Variants in MCMDC2 observed in about 807,000 individuals in gnomAD.
The protein encoded by MCMDC2 is minichromosome maintenance domain containing 2.
MCMDC2 carries 54 observed loss-of-function variants against 75.8 expected under a neutral mutation model. That is an observed-to-expected ratio of 0.71 (90% CI 0.57 to 0.89). The LOEUF (loss-of-function observed/expected upper bound fraction) is 0.89, where lower values mean the gene tolerates loss of function less well. Ranked by LOEUF, MCMDC2 falls within the 40% of genes least tolerant of loss-of-function variation. The probability of loss-of-function intolerance (pLI) is 0.00; values close to 1 mark genes in which losing one functional copy is unlikely to be tolerated. For synonymous variants in MCMDC2, 249 were observed against 274.6 expected, an observed-to-expected ratio of 0.91 and a Z score of 0.92; for missense variants, 656 against 780.4, an observed-to-expected ratio of 0.84 and a Z score of 1.90.
intron 14 of MCMDC2, among the ~76,000 whole-genome samples, chr8:66,918,732 T>TC (rs1240379040): frequency 6.6e-6 from 1 of 152,140 alleles, no homozygotes; most frequent in African/African-American, 2.4e-5. Flanking sequence ...TCAACATACT[T>TC]CTTCCATTGG....
chr8:66,917,659 AT>A (rs1236051309), intron 14 of MCMDC2, among the ~76,000 whole-genome samples: 1 of 152,160 alleles, frequency 6.6e-6, no homozygotes, highest in Non-Finnish European at 1.5e-5. Context: ...GGAATCATAC[AT>A]TTGTCCTTTC....
rs763081524 is a variant in MCMDC2 at position 66,896,197 on chromosome 8, A to C, written c.1307A>C (p.Tyr436Ser). The change falls in exon 11 of 15, where the codon TAC becomes TCC. Residue 436 changes from tyrosine (Y) to serine (S), a missense_variant. Coordinates refer to ENST00000422365, the MANE Select transcript of MCMDC2 (RefSeq NM_173518.5). The part of the protein sequence containing the change: ...TVLESRSITV[Y>S]IPGKKFGEDI... ...CTGGAGAGCAGAAGCATCACAGTGT[A>C]CATCCCAGGAAAGAAGTTTGGGGAG... is the stretch of plus-strand genomic sequence containing the variant. 2.1e-5 allele frequency: 34 copies of C among 1,611,068 alleles called. No individual in the cohort carries two copies. The highest frequency in any genetic ancestry group is 2.7e-5 in the Non-Finnish European group (32 of 1,179,574).
chr8:66,898,891 G>A (rs923338396), intron 12 of MCMDC2, among the ~76,000 whole-genome samples: 1 of 152,310 alleles, frequency 6.6e-6, no homozygotes, highest in Middle Eastern at 3.4e-3. Context: ...CATGGAAAAC[G>A]ATAAGACCAG....
rs939465261 is a variant in MCMDC2 at position 66,897,089 on chromosome 8, C to T, written c.1626+130C>T. 5 of 861,928 alleles carry T rather than the reference C, an allele frequency of 5.8e-6. No homozygotes were observed. In the Admixed American group the frequency reaches 1.0e-4, roughly 18 times the overall value. 53.4% of individuals were successfully genotyped at this position (861,928 alleles called of 1,614,324 possible). ...TTCCATCTTGGTTCCAGCTTTTAAA[C>T]ATTTTAAGGACATTGCATAGAAGTT... On this transcript the variant is annotated intron_variant, in intron 12 of 14. Coordinates refer to ENST00000422365, the MANE Select transcript of MCMDC2 (RefSeq NM_173518.5).
chr8:66,879,376 T>G (rs1318102931), intron 7 of MCMDC2, among the ~76,000 whole-genome samples: 1 of 152,112 alleles, frequency 6.6e-6, no homozygotes, highest in Non-Finnish European at 1.5e-5. Flanking sequence ...GTAAATCACC[T>G]AAGGTCAGGA....
intron 14 of MCMDC2, among the ~76,000 whole-genome samples, chr8:66,906,804 TTC>T (rs1392568706): frequency 1.3e-5 from 2 of 151,876 alleles, no homozygotes; most frequent in African/African-American, 4.8e-5. Flanking sequence ...GAGATGGAGT[TTC>T]ACTCTTGTTG....
rs1810975599 is a variant in MCMDC2, at chr8:66,870,821, T to C, written c.-99T>C. 6.6e-6 allele frequency: 1 copy of C among 152,306 alleles called. No individual in the cohort carries two copies. The highest frequency in any genetic ancestry group is 1.9e-4 in the East Asian group (1 of 5,176). The allele number at this position is 152,306 out of a possible 1,614,324, so 9.4% of individuals were successfully genotyped here. ...GGCGGAGAGCAACCGCCAAGCTTGG[T>C]GGGAGTCAAGGTGAGTGCAAAGCAC... On this transcript the variant is annotated 5_prime_UTR_variant, in exon 1 of 15. Transcript: ENST00000422365.
At chr8:66,895,562 A>G (rs1171239290) in intron 10 of MCMDC2, among the ~76,000 whole-genome samples, 4 of 151,612 alleles carry the variant, frequency 2.6e-5, no homozygotes, top group Non-Finnish European at 5.9e-5. Flanking sequence ...ACATCCCACA[A>G]TGCTTGGCTA....
chr8:66,883,202 A>G (rs1398332035), intron 8 of MCMDC2, among the ~76,000 whole-genome samples: 2 of 152,230 alleles, frequency 1.3e-5, no homozygotes, highest in Non-Finnish European at 2.9e-5. Flanking sequence ...ACAGTACAGC[A>G]CTTTCAAAGT....
At chr8:66,902,339 C>T (rs2130849431) in intron 13 of MCMDC2, among the ~76,000 whole-genome samples, 1 of 151,512 alleles carries the variant, frequency 6.6e-6, no homozygotes, top group South Asian at 2.1e-4. Context: ...TGCAGAGCAC[C>T]TAGATATGCC....
intron 3 of MCMDC2, 31 bp downstream of exon 3, chr8:66,874,487 A>T: frequency 6.2e-7 from 1 of 1,612,122 alleles, no homozygotes; most frequent in Non-Finnish European, 8.5e-7. Context: ...ATTTTATGCC[A>T]CATGGAATTT....
intron 8 of MCMDC2, among the ~76,000 whole-genome samples, chr8:66,882,083 G>T (rs1330040246): frequency 2.0e-5 from 3 of 152,218 alleles, no homozygotes; most frequent in Admixed American, 6.5e-5. Flanking sequence ...ATCTTGGGCA[G>T]CCACAAGACA....
intron 14 of MCMDC2, among the ~76,000 whole-genome samples, chr8:66,914,981 G>A (rs1358562750): frequency 6.6e-6 from 1 of 151,986 alleles, no homozygotes. Context: ...ATCAAGATTG[G>A]GGAGAAAGAA....
chr8:66,923,578 A>G (rs1563398169), downstream of MCMDC2, among the ~76,000 whole-genome samples: 1 of 152,136 alleles, frequency 6.6e-6, no homozygotes, highest in Non-Finnish European at 1.5e-5. Flanking sequence ...ACAGACAACT[A>G]CATGCATAAT....
At chr8:66,879,028 G>A in intron 7 of MCMDC2, 109 bp downstream of exon 7, 1 of 697,364 alleles carries the variant, frequency 1.4e-6, no homozygotes, top group South Asian at 1.7e-5. Context: ...GGCTGAGGTG[G>A]GAGGATCACT....
intron 14 of MCMDC2, among the ~76,000 whole-genome samples, chr8:66,907,692 G>A (rs1429389324): frequency 2.6e-5 from 4 of 152,116 alleles, no homozygotes; most frequent in South Asian, 2.1e-4. Context: ...TCCCACCGAC[G>A]GTGTAAAAGC....
chr8:66,902,318 C>G (rs1012139323), intron 13 of MCMDC2, among the ~76,000 whole-genome samples: 5 of 151,312 alleles, frequency 3.3e-5, no homozygotes, highest in Non-Finnish European at 7.4e-5. Context: ...TTGAGCCCAT[C>G]AAGCGGAAGT....
At position 66,897,380 on chromosome 8, in the gene MCMDC2, C is replaced by A. The variant is rs1357444328; in HGVS notation, c.1626+421C>A. On this transcript the variant is annotated intron_variant, in intron 12 of 14. Coordinates refer to ENST00000422365, the MANE Select transcript of MCMDC2 (RefSeq NM_173518.5). ...CGAGATCGCACCACTGCACTCCTGC[C>A]TGGGTGATAGAGTAAGACCCTGTCT... 3.4e-5 allele frequency among the ~76,000 whole-genome samples: 5 copies of A among 147,132 alleles called. No homozygotes were observed. The Admixed American group carries it at 3.4e-4, about 10-fold the overall frequency.
At chr8:66,902,132 C>T (rs1346067715) in intron 13 of MCMDC2, among the ~76,000 whole-genome samples, 1 of 151,816 alleles carries the variant, frequency 6.6e-6, no homozygotes, top group African/African-American at 2.4e-5. Context: ...AATTCAAGAA[C>T]AGCCTGGGCA....
Sources: gnomAD v4.1 joint callset for allele counts (sites outside exome capture counted in the v4.1 genomes callset) on GRCh38, gnomAD v4.1.1 for gene constraint, MANE v1.5 for transcripts, NCBI Gene and HGNC (gene_info 2026-07-23, HGNC 2026-07-21) for gene names.